The following IARS1 variants were observed in gnomAD, a reference collection of about 807,000 sequenced individuals.
The protein encoded by IARS1 is isoleucyl-tRNA synthetase 1, also known as isoleucine--tRNA ligase, cytoplasmic.
Under a neutral mutation model 168.2 loss-of-function variants are expected in IARS1, and 124 were observed. The ratio of observed to expected loss-of-function variants is 0.74; its 90% CI spans 0.64 to 0.86. IARS1 has a LOEUF of 0.86. Ranked by LOEUF, IARS1 falls within the 40% of genes least tolerant of loss-of-function variation. The pLI is 0.00. For synonymous variants in IARS1, 532 were observed against 529.4 expected, an observed-to-expected ratio of 1.00 and a Z score of -0.07; for missense variants, 1,452 against 1,515.8, an observed-to-expected ratio of 0.96 and a Z score of 0.70.
chr9:92,263,996 C>T (rs1831913210), intron 16 of IARS1, among the ~76,000 whole-genome samples: 1 of 152,218 alleles, frequency 6.6e-6, no homozygotes, highest in Admixed American at 6.5e-5. Flanking sequence ...ATGACACCAA[C>T]AATTCCTTTA....
At chr9:92,270,184 A>G (rs1260282058) in intron 12 of IARS1, among the ~76,000 whole-genome samples, 1 of 152,246 alleles carries the variant, frequency 6.6e-6, no homozygotes, top group Non-Finnish European at 1.5e-5. Flanking sequence ...AAAAACTAAT[A>G]CAAGAACAAG....
Position 92,222,565 on chromosome 9 carries a change from G to A in IARS1, c.3661C>T (p.Arg1221Trp). 15 of 1,613,960 alleles carry A rather than the reference G, an allele frequency of 9.3e-6. No individual in the cohort carries two copies. The highest frequency in any genetic ancestry group is 4.4e-5 in the South Asian group (4 of 91,078). ...AGAAACAGCTTTAGCTTCCTGCTCC[G>A]AAGGCCAAACACCTTGGCTGCTTCA... Reference protein sequence around the residue: ...LYEAAKVFGLRSRKLKLFLNE... With the variant: ...LYEAAKVFGLWSRKLKLFLNE... The change falls in exon 33 of 34, where the codon CGG becomes TGG. Residue 1221 changes from arginine (R) to tryptophan (W), a missense_variant. Arg to Trp is a moderately radical substitution (Grantham distance 101, BLOSUM62 -3). Coordinates refer to ENST00000443024, the MANE Select transcript of IARS1 (RefSeq NM_002161.6).
rs369430076 is a variant in IARS1, at chr9:92,222,654, A to G, written c.3572T>C (p.Val1191Ala). The G allele has an allele frequency of 1.2e-6, 2 of 1,613,948 alleles. No homozygotes were observed. The highest frequency in any genetic ancestry group is 4.5e-5 in the East Asian group (2 of 44,880). ...TGGGTTTTCAAGCAGGAGAGTGCCC[A>G]CTGTCCCCATTAAACACTCTGTGGA... ...AKPQECLMGT[V>A]GTLLLENPLG... The change falls in exon 33 of 34, where the codon GTG (valine) becomes GCG (alanine). Residue 1191 changes from valine (V) to alanine (A), a missense_variant. Val to Ala is a moderately conservative substitution (Grantham distance 64, BLOSUM62 0). Coordinates refer to ENST00000443024, the MANE Select transcript of IARS1 (RefSeq NM_002161.6).
intron 33 of IARS1, among the ~76,000 whole-genome samples, chr9:92,217,836 AC>A (rs1338774492): frequency 6.6e-6 from 1 of 152,020 alleles, no homozygotes; most frequent in Non-Finnish European, 1.5e-5. Flanking sequence ...GCCGAATTCT[AC>A]CAGAGGTACA....
At chr9:92,226,807 CT>C (rs748657152) in intron 31 of IARS1, among the ~76,000 whole-genome samples, 5,263 of 135,300 alleles carry the variant, frequency 0.039, 100 homozygotes, top group South Asian at 0.08. Context: ...TGGCCACCTT[CT>C]TTTTTTTTTT....
chr9:92,268,848 G>A (rs763364648), intron 13 of IARS1, among the ~76,000 whole-genome samples: 42 of 152,028 alleles, frequency 2.8e-4, no homozygotes, highest in Non-Finnish European at 5.6e-4. Context: ...CCTCTGACAC[G>A]CAGCTTCCCT....
At chr9:92,250,574 C>T in intron 23 of IARS1, 139 bp downstream of exon 23, 1 of 946,426 alleles carries the variant, frequency 1.1e-6, no homozygotes, top group Non-Finnish European at 1.6e-6. Flanking sequence ...CATCCTGCAG[C>T]CTGAGGAGTT....
At chr9:92,244,875 T>G in intron 27 of IARS1, 84 bp downstream of exon 27, 2 of 1,078,048 alleles carry the variant, frequency 1.9e-6, no homozygotes, top group Non-Finnish European at 2.8e-6. Context: ...CTGTCAACAT[T>G]ATCAGGAAAG....
intron 30 of IARS1, among the ~76,000 whole-genome samples, chr9:92,234,261 T>C (rs1192848816): frequency 1.3e-5 from 2 of 152,222 alleles, no homozygotes; most frequent in Non-Finnish European, 2.9e-5. Context: ...AATTAATGCT[T>C]GAATCCAAAG....
chr9:92,260,678 G>C (rs1831399585), intron 17 of IARS1, among the ~76,000 whole-genome samples: 1 of 151,974 alleles, frequency 6.6e-6, no homozygotes, highest in African/African-American at 2.4e-5. Context: ...ACAGTGTTAA[G>C]GTACAATGGT....
chr9:92,240,778 T>TAA, intron 30 of IARS1, 78 bp downstream of exon 30: 1 of 807,736 alleles, frequency 1.2e-6, no homozygotes, highest in Non-Finnish European at 2.2e-6. Flanking sequence ...AAAACATCCA[T>TAA]AAGTTTTTTT....
At chr9:92,255,080 C>T (rs551196840) in intron 20 of IARS1, among the ~76,000 whole-genome samples, 74 of 152,242 alleles carry the variant, frequency 4.9e-4, no homozygotes, top group African/African-American at 1.7e-3. Flanking sequence ...GTGTGCTGGG[C>T]TCCCAGTGCT....
At chr9:92,280,403 G>T (rs1587879010) in intron 7 of IARS1, among the ~76,000 whole-genome samples, 1 of 152,192 alleles carries the variant, frequency 6.6e-6, no homozygotes, top group African/African-American at 2.4e-5. Context: ...AAGGCAAAAA[G>T]TTCTCAAGTT....
At chr9:92,286,680 G>T in intron 4 of IARS1, 62 bp from the exon 5 acceptor site, 1 of 932,264 alleles carries the variant, frequency 1.1e-6, no homozygotes, top group Non-Finnish European at 1.7e-6. Flanking sequence ...ACATCAATGT[G>T]TGTTTATTTC....
At chr9:92,238,586 A>G (rs1291893110) in intron 30 of IARS1, among the ~76,000 whole-genome samples, 1 of 152,228 alleles carries the variant, frequency 6.6e-6, no homozygotes, top group African/African-American at 2.4e-5. Flanking sequence ...CTGTGAGCCA[A>G]ATAAACCTTC....
chr9:92,247,251 C>T (rs919741376), intron 26 of IARS1, 126 bp downstream of exon 26: 2 of 738,298 alleles, frequency 2.7e-6, no homozygotes, highest in East Asian at 5.3e-5. Context: ...AAGGAAAGGA[C>T]AGGACACGAC....
intron 33 of IARS1, among the ~76,000 whole-genome samples, chr9:92,216,133 A>C (rs1838642079): frequency 6.6e-6 from 1 of 151,414 alleles, no homozygotes; most frequent in Non-Finnish European, 1.5e-5. Flanking sequence ...TTCTTAAAGA[A>C]AAGAATTTTC....
At chr9:92,280,280 G>A (rs540305199) in intron 7 of IARS1, among the ~76,000 whole-genome samples, 78 of 152,060 alleles carry the variant, frequency 5.1e-4, no homozygotes, top group African/African-American at 1.8e-3. Context: ...TTCTTTTACC[G>A]CCACAAAACT....
At chr9:92,217,996 C>G (rs1254658017) in intron 33 of IARS1, among the ~76,000 whole-genome samples, 1 of 152,104 alleles carries the variant, frequency 6.6e-6, no homozygotes, top group Non-Finnish European at 1.5e-5. Flanking sequence ...GACCAATATC[C>G]TTGATGAACA....
Sources: gnomAD v4.1 joint callset for allele counts (sites outside exome capture counted in the v4.1 genomes callset) on GRCh38, gnomAD v4.1.1 for gene constraint, MANE v1.5 for transcripts, NCBI Gene and HGNC (gene_info 2026-07-23, HGNC 2026-07-21) for gene names.